Variants in CPM observed in about 807,000 individuals in gnomAD.
CPM encodes the protein carboxypeptidase M.
In CPM, 35 loss-of-function variants were observed where a neutral mutation model predicts 46.4. The ratio of observed to expected loss-of-function variants is 0.75; its 90% CI spans 0.58 to 1.00. CPM has a LOEUF of 1.00. Among genes scored for constraint, CPM ranks in the 50% least tolerant of loss-of-function variants. CPM has a pLI of 0.00. For missense variants in CPM, 422 were observed against 530.4 expected (o/e 0.80, Z 2.01); for synonymous variants, 195 against 195.3 (o/e 1.00, Z 0.01).
At chr12:68,930,392 T>C (rs181570073) in intron 2 of CPM, among the ~76,000 whole-genome samples, 53 of 152,312 alleles carry the variant, frequency 3.5e-4, no homozygotes, top group Admixed American at 1.5e-3. Flanking sequence ...ATAAATTCTG[T>C]TTTCTAAGCA....
chr12:68,915,874 C>T (rs1887783581), intron 2 of CPM, among the ~76,000 whole-genome samples: 1 of 152,200 alleles, frequency 6.6e-6, no homozygotes, highest in Non-Finnish European at 1.5e-5. Context: ...AATCTATTTG[C>T]TCTTGCCTAT....
At chr12:68,870,124 G>T in intron 5 of CPM, 91 bp downstream of exon 5, 1 of 1,280,048 alleles carries the variant, frequency 7.8e-7, no homozygotes, top group Non-Finnish European at 1.1e-6. Context: ...AAGTTAAGAG[G>T]GGAAGGGAGA....
At chr12:68,949,894 C>G (rs901445324) in intron 1 of CPM, among the ~76,000 whole-genome samples, 1 of 152,190 alleles carries the variant, frequency 6.6e-6, no homozygotes, top group Non-Finnish European at 1.5e-5. Context: ...TCTCAGACAG[C>G]CTCTCATCTC....
intron 2 of CPM, among the ~76,000 whole-genome samples, chr12:68,923,246 GTTTT>G (rs63471960): frequency 4.6e-3 from 7 of 1,528 alleles, no homozygotes; most frequent in East Asian, 0.038. Context: ...GTTTTCTTTT[GTTTT>G]TTTTTTTACA....
At chr12:68,873,672 A>C (rs1475766664) in intron 3 of CPM, among the ~76,000 whole-genome samples, 2 of 151,328 alleles carry the variant, frequency 1.3e-5, no homozygotes, top group East Asian at 1.9e-4. Context: ...TGTCTCAAAA[A>C]AAAAAAAAAA....
chr12:68,954,874 G>T (rs1193415301), intron 1 of CPM, among the ~76,000 whole-genome samples: 1 of 152,066 alleles, frequency 6.6e-6, no homozygotes. Context: ...CAGATGAAAA[G>T]TCCCCTCATC....
chr12:68,913,773 C>T, intron 2 of CPM: 1 of 533,520 alleles, frequency 1.9e-6, no homozygotes, highest in Non-Finnish European at 3.6e-6. Flanking sequence ...CTATAAAATC[C>T]CATGCGGAAA....
intron 2 of CPM, among the ~76,000 whole-genome samples, chr12:68,924,987 A>G (rs1252837332): frequency 6.6e-6 from 1 of 152,200 alleles, no homozygotes; most frequent in Admixed American, 6.5e-5. Flanking sequence ...TAGTAGAGGA[A>G]TTCAGTGAAT....
At chr12:68,940,420 C>T (rs1014534833) in intron 1 of CPM, among the ~76,000 whole-genome samples, 1 of 150,670 alleles carries the variant, frequency 6.6e-6, no homozygotes, top group Non-Finnish European at 1.5e-5. Context: ...CCCTAGTGAT[C>T]CCCTGTGCTC....
At chr12:68,916,521 G>A (rs981306505) in intron 2 of CPM, among the ~76,000 whole-genome samples, 2 of 152,082 alleles carry the variant, frequency 1.3e-5, no homozygotes, top group African/African-American at 2.4e-5. Flanking sequence ...TGGCGCTCTG[G>A]TTTATTTACC....
chr12:68,859,933 C>T (rs900138561), intron 7 of CPM, among the ~76,000 whole-genome samples: 5 of 152,282 alleles, frequency 3.3e-5, no homozygotes, highest in African/African-American at 1.2e-4. Flanking sequence ...GTGAAGCTGC[C>T]TAAGTCCCCA....
Position 68,853,630 on chromosome 12 carries a change from T to G in CPM, c.*2807A>C, listed in dbSNP as rs1170168349. The stretch of plus-strand genomic sequence containing the variant: ...ATCCCATAGAACTTTCAATTGAAAG[T>G]AATAACCAAGGCAACTCACTTTCCA... On this transcript the variant is annotated 3_prime_UTR_variant, in exon 9 of 9. Coordinates refer to ENST00000551568, the MANE Select transcript of CPM (RefSeq NM_198320.5). 1 of 151,902 alleles carries G rather than the reference T, an allele frequency of 6.6e-6. No homozygotes were observed. The highest frequency in any genetic ancestry group is 2.1e-4 in the South Asian group (1 of 4,822). 9.4% of individuals were successfully genotyped at this position (151,902 alleles called of 1,614,324 possible). A position where few individuals can be genotyped will look rare whatever the true frequency, so the allele number is the denominator to read the frequency against.
At chr12:68,907,891 C>T (rs1053645795) in intron 2 of CPM, among the ~76,000 whole-genome samples, 3 of 152,042 alleles carry the variant, frequency 2.0e-5, no homozygotes, top group Non-Finnish European at 4.4e-5. Flanking sequence ...TGCAGTGGTA[C>T]GATCTGGGCT....
At chr12:68,961,235 C>T (rs1447390892) in intron 1 of CPM, among the ~76,000 whole-genome samples, 2 of 152,110 alleles carry the variant, frequency 1.3e-5, no homozygotes, top group African/African-American at 4.8e-5. Flanking sequence ...CTGCAACCTC[C>T]AGTGAGCTCA....
chr12:68,911,881 C>T (rs534619877), intron 2 of CPM: 26 of 152,246 alleles, frequency 1.7e-4, no homozygotes, highest in African/African-American at 5.8e-4. Flanking sequence ...CTGTGTTCTT[C>T]GGGCTCTGTG....
At chr12:68,874,752 A>G (rs1405460059) in intron 3 of CPM, among the ~76,000 whole-genome samples, 1 of 152,212 alleles carries the variant, frequency 6.6e-6, no homozygotes, top group Non-Finnish European at 1.5e-5. Context: ...TGCTGGTTAG[A>G]GGCCATAGTA....
intron 2 of CPM, among the ~76,000 whole-genome samples, chr12:68,904,286 A>G (rs528831643): frequency 6.6e-6 from 1 of 152,348 alleles, no homozygotes; most frequent in South Asian, 2.1e-4. Context: ...ACTCTTGACT[A>G]TAACAGATAC....
chr12:68,894,419 C>T (rs753579096), intron 2 of CPM, among the ~76,000 whole-genome samples: 4 of 152,130 alleles, frequency 2.6e-5, no homozygotes, highest in South Asian at 2.1e-4. Context: ...AGTCTTCCCT[C>T]GGTGTTCAGG....
chr12:68,874,710 C>A (rs540438135), intron 3 of CPM, among the ~76,000 whole-genome samples: 24 of 152,188 alleles, frequency 1.6e-4, no homozygotes, highest in African/African-American at 5.8e-4. Context: ...GAGGAAGTGA[C>A]CAGGAGTCCC....
Sources: gnomAD v4.1 joint callset for allele counts (sites outside exome capture counted in the v4.1 genomes callset) on GRCh38, gnomAD v4.1.1 for gene constraint, MANE v1.5 for transcripts, NCBI Gene and HGNC (gene_info 2026-07-23, HGNC 2026-07-21) for gene names.